MITF: variants seen among roughly 807,000 people sequenced by gnomAD.
MITF encodes the protein melanocyte inducing transcription factor.
Under a neutral mutation model 60.5 loss-of-function variants are expected in MITF, and 17 were observed. The ratio of observed to expected loss-of-function variants is 0.28; its 90% CI spans 0.19 to 0.42. The LOEUF is 0.42. MITF is among the 10% of genes least tolerant of loss of function. The probability of loss-of-function intolerance (pLI) is 1.00; values close to 1 mark genes in which losing one functional copy is unlikely to be tolerated. For missense variants in MITF, 622 were observed against 683.5 expected (o/e 0.91, Z 1.00); for synonymous variants, 260 against 248.5 (o/e 1.05, Z -0.43).
At chr3:69,932,545 CTT>C (rs1458507849) in intron 2 of MITF, among the ~76,000 whole-genome samples, 1 of 152,140 alleles carries the variant, frequency 6.6e-6, no homozygotes, top group African/African-American at 2.4e-5. Context: ...ATTTAAGACT[CTT>C]TGGTTTGCTT....
chr3:69,835,301 C>T (rs565027753), intron 1 of MITF, among the ~76,000 whole-genome samples: 14 of 152,152 alleles, frequency 9.2e-5, no homozygotes, highest in African/African-American at 3.4e-4. Context: ...TGCAGGCATG[C>T]ACCCAGCTTC....
Position 69,869,272 on chromosome 3 carries a change from A to G in MITF, c.105-9862A>G, listed in dbSNP as rs2064177073. On this transcript the variant is annotated intron_variant, in intron 1 of 9. Coordinates refer to ENST00000352241, the MANE Select transcript of MITF (RefSeq NM_001354604.2). ...TCTCTGCCCTCCTGGAGCAGATTGG[A>G]CCAGGTCATGAAGGACCAAGCACAT... Among the ~76,000 whole-genome samples the G allele has an allele frequency of 2.0e-5, 3 of 152,196 alleles. No homozygotes were observed. In the South Asian group the frequency reaches 6.2e-4, roughly 32 times the overall value.
At chr3:69,822,558 C>A (rs1001047625) in intron 1 of MITF, among the ~76,000 whole-genome samples, 1 of 152,014 alleles carries the variant, frequency 6.6e-6, no homozygotes. Context: ...GCATTCCTGT[C>A]GAGAGAAAAA....
chr3:69,950,146 T>C (rs1005722679), intron 6 of MITF, among the ~76,000 whole-genome samples: 1 of 151,718 alleles, frequency 6.6e-6, no homozygotes, highest in Non-Finnish European at 1.5e-5. Flanking sequence ...GCAAGAATCG[T>C]CGGGCAGGCA....
chr3:69,863,895 G>A (rs1207386102), intron 1 of MITF, among the ~76,000 whole-genome samples: 1 of 152,018 alleles, frequency 6.6e-6, no homozygotes, highest in Non-Finnish European at 1.5e-5. Context: ...TAAAGTTTCT[G>A]ATATGGTTAT....
Position 69,963,508 on chromosome 3 carries a change from T to A in MITF, c.1180-1339T>A, listed in dbSNP as rs148552994. Among the ~76,000 whole-genome samples the A allele has an allele frequency of 4.8e-3, 733 of 152,342 alleles. 6 individuals are homozygous for A. Among genetic ancestry groups the A allele is most frequent in the African/African-American group, 0.017 (713 of 41,574 alleles). On this transcript the variant is annotated intron_variant, in intron 9 of 9. Transcript: ENST00000352241. ...TTAGGTTCTAACAACTTGGTAGCCA[T>A]TTGAAAAAATAAAACATATAAATTG...
At chr3:69,910,103 G>A (rs1337518828) in intron 2 of MITF, among the ~76,000 whole-genome samples, 2 of 152,198 alleles carry the variant, frequency 1.3e-5, no homozygotes, top group Non-Finnish European at 2.9e-5. Flanking sequence ...GCAGTCTAGG[G>A]ACTTGGTGCC....
At chr3:69,854,660 T>C (rs1041244894) in intron 1 of MITF, among the ~76,000 whole-genome samples, 1 of 152,196 alleles carries the variant, frequency 6.6e-6, no homozygotes, top group Non-Finnish European at 1.5e-5. Context: ...TATTGTACAA[T>C]AGAGTTTTCC....
intron 1 of MITF, among the ~76,000 whole-genome samples, chr3:69,812,616 T>C (rs1484688322): frequency 6.6e-6 from 1 of 152,372 alleles, no homozygotes; most frequent in East Asian, 1.9e-4. Context: ...CTCAGTTGTC[T>C]CAGTTTTTCA....
chr3:69,868,268 A>AC (rs1044846333), intron 1 of MITF, among the ~76,000 whole-genome samples: 1 of 152,010 alleles, frequency 6.6e-6, no homozygotes, highest in African/African-American at 2.4e-5. Flanking sequence ...ATGTCTTTCC[A>AC]CCCCCATTTT....
intron 5 of MITF, 111 bp downstream of exon 5, chr3:69,941,442 T>G (rs2065966774): frequency 4.4e-6 from 3 of 689,034 alleles, no homozygotes; most frequent in African/African-American, 1.8e-5. Flanking sequence ...TTAAATGTAT[T>G]AATAGTAAAA....
intron 1 of MITF, among the ~76,000 whole-genome samples, chr3:69,822,038 C>T (rs966338886): frequency 6.6e-6 from 1 of 152,192 alleles, no homozygotes; most frequent in Non-Finnish European, 1.5e-5. Flanking sequence ...CCACCATGCC[C>T]AGCCCAAACT....
intron 2 of MITF, among the ~76,000 whole-genome samples, chr3:69,889,280 G>A (rs2064703940): frequency 1.3e-5 from 2 of 151,638 alleles, no homozygotes; most frequent in Admixed American, 1.3e-4. Context: ...CGATTAGGCT[G>A]TCTTTGATTC....
In MITF at chr3:69,739,540, C is replaced by G; in HGVS notation, c.-58C>G. On this transcript the variant is annotated 5_prime_UTR_variant, in exon 1 of 10. Transcript: ENST00000352241. ...GGGGACCCAGGCCCAGCTACCTTCC[C>G]TCCGCCCCCGGGCTCTGTTCTCACT... The G allele has an allele frequency of 2.0e-6, 3 of 1,478,294 alleles. No individual in the cohort carries two copies. The highest frequency in any genetic ancestry group is 2.4e-5 in the South Asian group (2 of 82,494). 91.6% of individuals were successfully genotyped at this position (1,478,294 alleles called of 1,614,324 possible).
intron 1 of MITF, among the ~76,000 whole-genome samples, chr3:69,878,278 G>A (rs1356702501): frequency 6.6e-6 from 1 of 152,160 alleles, no homozygotes; most frequent in Non-Finnish European, 1.5e-5. Flanking sequence ...CATAGAGCTG[G>A]CAAGATAAGT....
chr3:69,827,901 G>A (rs2063382421), intron 1 of MITF, among the ~76,000 whole-genome samples: 1 of 152,116 alleles, frequency 6.6e-6, no homozygotes, highest in African/African-American at 2.4e-5. Flanking sequence ...TATGATAAAT[G>A]AGGAATCAAC....
At chr3:69,884,654 T>C (rs1005805254) in intron 2 of MITF, among the ~76,000 whole-genome samples, 2 of 152,190 alleles carry the variant, frequency 1.3e-5, no homozygotes, top group Non-Finnish European at 2.9e-5. Context: ...AAGTGCTCCA[T>C]AGAGTTGTCT....
At chr3:69,928,503 G>A (rs1239120743) in intron 2 of MITF, among the ~76,000 whole-genome samples, 1 of 152,188 alleles carries the variant, frequency 6.6e-6, no homozygotes, top group Admixed American at 6.5e-5. Context: ...AGTTGTCAGT[G>A]TCAGAATAAA....
chr3:69,881,157 C>T (rs995197725), intron 2 of MITF, among the ~76,000 whole-genome samples: 2 of 152,014 alleles, frequency 1.3e-5, no homozygotes, highest in Non-Finnish European at 2.9e-5. Context: ...GTCCTGGTGA[C>T]ACTGGATTGA....
Sources: allele counts gnomAD v4.1 joint callset (sites outside exome capture counted in the v4.1 genomes callset), GRCh38; gene constraint gnomAD v4.1.1; transcripts MANE v1.5; gene names NCBI Gene and HGNC (gene_info 2026-07-23, HGNC 2026-07-21).